UTRN: variants seen among roughly 807,000 people sequenced by gnomAD.
UTRN encodes the protein utrophin.
A neutral mutation model predicts 463.9 loss-of-function variants in UTRN; 283 were observed. That is an observed-to-expected ratio of 0.61 (90% CI 0.55 to 0.67). The LOEUF (loss-of-function observed/expected upper bound fraction) is 0.67, where lower values mean the gene tolerates loss of function less well. Among genes scored for constraint, UTRN ranks in the 30% least tolerant of loss-of-function variants. The probability of loss-of-function intolerance (pLI) is 0.00; values close to 1 mark genes in which losing one functional copy is unlikely to be tolerated. For missense variants in UTRN, 3,922 were observed against 4,084.3 expected (o/e 0.96, Z 1.08); for synonymous variants, 1,442 against 1,431.5 (o/e 1.01, Z -0.17).
At chr6:144,514,154 T>C in intron 36 of UTRN, 117 bp downstream of exon 36, 1 of 1,369,118 alleles carries the variant, frequency 7.3e-7, no homozygotes, top group Non-Finnish European at 1.0e-6. Context: ...TTAGATTCAT[T>C]AACATTTATT....
rs141274945 is a variant in UTRN at position 144,691,959 on chromosome 6, G to A, written c.7653-8128G>A. 1.2e-3 allele frequency among the ~76,000 whole-genome samples: 186 copies of A among 152,114 alleles called. 2 individuals carry two copies. The East Asian group carries it at 0.029, about 24-fold the overall frequency. ...TTATATAGGTAAACTAGTGTCATGG[G>A]GGTTTGTTGCACAGATTATTTCATC... On this transcript the variant is annotated intron_variant, in intron 52 of 74. Transcript: ENST00000367545.
At chr6:144,561,476 C>T (rs1184256139) in intron 50 of UTRN, among the ~76,000 whole-genome samples, 5 of 151,672 alleles carry the variant, frequency 3.3e-5, no homozygotes, top group Admixed American at 1.3e-4. Flanking sequence ...GGAAATGAGA[C>T]AGTATAACTG....
At position 144,485,284 on chromosome 6, in the gene UTRN, A is replaced by G; in HGVS notation, c.3688-101A>G. 5 of 1,502,358 alleles carry G rather than the reference A, an allele frequency of 3.3e-6. No individual in the cohort carries two copies. The South Asian group carries it at 6.4e-5, about 19-fold the overall frequency. The allele number at this position is 1,502,358 out of a possible 1,614,324, so 93.1% of individuals were successfully genotyped here. A position where few individuals can be genotyped will look rare whatever the true frequency, so the allele number is the denominator to read the frequency against. On this transcript the variant is annotated intron_variant, in intron 27 of 74. Transcript: ENST00000367545. ...CAGTTCTGAATTCCTAGGTATACTC[A>G]CATCCAAATGAAATTATTAGCGATT... is the stretch of plus-strand genomic sequence containing the variant.
chr6:144,750,933 G>A lies in UTRN; in HGVS notation c.8209-873G>A, dbSNP rs117741406. On this transcript the variant is annotated intron_variant, in intron 55 of 74. Coordinates refer to ENST00000367545, the MANE Select transcript of UTRN (RefSeq NM_007124.3). ...ATGATTCTAGACCTTGCTCAGAGGT[G>A]GCATTTGTCAATTCTAAGACTCATT... 6.1e-3 allele frequency among the ~76,000 whole-genome samples: 930 copies of A among 152,174 alleles called. 5 individuals carry two copies. The highest frequency in any genetic ancestry group is 9.4e-3 in the Non-Finnish European group (642 of 67,982).
At chr6:144,303,757 T>G (rs1160584912) in intron 2 of UTRN, among the ~76,000 whole-genome samples, 1 of 152,204 alleles carries the variant, frequency 6.6e-6, no homozygotes, top group Non-Finnish European at 1.5e-5. Context: ...AAGGTAATGT[T>G]AATCTCATCT....
At chr6:144,518,902 TG>T (rs67124427) in intron 39 of UTRN, among the ~76,000 whole-genome samples, 6,387 of 152,186 alleles carry the variant, frequency 0.042, 361 homozygotes, top group African/African-American at 0.13. Flanking sequence ...AGAATTACTG[TG>T]GGGGAGCTTT....
chr6:144,682,165 G>C (rs1278351760), intron 52 of UTRN, among the ~76,000 whole-genome samples: 1 of 151,712 alleles, frequency 6.6e-6, no homozygotes, highest in Admixed American at 6.6e-5. Context: ...ACCCTTCCCA[G>C]CCTCTGGTAA....
Position 144,827,667 on chromosome 6 carries a change from AT to A in UTRN, c.9591del (p.Tyr3197Ter). On this transcript the variant is annotated frameshift_variant, in exon 68 of 75. Transcript: ENST00000367545. LOFTEE classifies it high-confidence loss of function. ...HDDTHSRIEQ[Y>X]ATRLAQMERT... ...GACACCCATTCAAGAATAGAACAAT[AT>A]GCCACACGGTAAGAAACTTTGATCA... The A allele has an allele frequency of 6.2e-7, 1 of 1,613,656 alleles. No homozygotes were observed. Among genetic ancestry groups the A allele is most frequent in the Non-Finnish European group, 8.5e-7 (1 of 1,179,716 alleles).
At chr6:144,823,854 C>G (rs976179339) in intron 66 of UTRN, among the ~76,000 whole-genome samples, 1 of 152,084 alleles carries the variant, frequency 6.6e-6, no homozygotes, top group Non-Finnish European at 1.5e-5. Context: ...AAAATAGACA[C>G]CTCTCCCTGG....
chr6:144,746,097 G>T (rs149094209), intron 54 of UTRN, among the ~76,000 whole-genome samples: 6 of 151,468 alleles, frequency 4.0e-5, no homozygotes, highest in East Asian at 2.0e-4. Flanking sequence ...GCCTCCCGGG[G>T]TCAAGCGATT....
rs182788328 is a variant in UTRN, at chr6:144,558,290, G to T, written c.7289+979G>T. On this transcript the variant is annotated intron_variant, in intron 50 of 74. Coordinates refer to ENST00000367545, the MANE Select transcript of UTRN (RefSeq NM_007124.3). Reference sequence around the variant, plus strand: ...GATGGCACAATGTGAGGTTGAATGTGTTGTTAGATATACCTTGGATACTGG... The same window carrying T: ...GATGGCACAATGTGAGGTTGAATGTTTTGTTAGATATACCTTGGATACTGG... Among the ~76,000 whole-genome samples the T allele has an allele frequency of 3.4e-3, 519 of 152,280 alleles. 5 individuals are homozygous for T. The highest frequency in any genetic ancestry group is 0.02 in the Middle Eastern group (6 of 294).
intron 51 of UTRN, among the ~76,000 whole-genome samples, chr6:144,587,651 C>T (rs1214970421): frequency 6.6e-6 from 1 of 152,126 alleles, no homozygotes; most frequent in Non-Finnish European, 1.5e-5. Context: ...ATTTTTTACT[C>T]TCAAACATTT....
intron 2 of UTRN, among the ~76,000 whole-genome samples, chr6:144,337,150 GACACACACACACAGAC>G (rs1338103318): frequency 4.1e-5 from 6 of 147,418 alleles, no homozygotes; most frequent in African/African-American, 1.3e-4. Flanking sequence ...CACACACAGA[GACACACACACACAGAC>G]ACACACACAC....
At position 144,593,810 on chromosome 6, in the gene UTRN, G is replaced by A. The variant is rs146961723; in HGVS notation, c.7479+16522G>A. ...AGTTGCCCTTTTGATTGCCAGCTAT[G>A]TATGCCAGATCTTTTTGACTGTTTC... is the stretch of plus-strand genomic sequence containing the variant. On this transcript the variant is annotated intron_variant, in intron 51 of 74. Transcript: ENST00000367545. Among the ~76,000 whole-genome samples, 498 of 152,214 alleles carry A rather than the reference G, an allele frequency of 3.3e-3. 2 individuals carry two copies. The highest frequency in any genetic ancestry group is 5.5e-3 in the Non-Finnish European group (376 of 67,992).
intron 54 of UTRN, among the ~76,000 whole-genome samples, chr6:144,744,461 T>C (rs1790474823): frequency 6.8e-6 from 1 of 146,604 alleles, no homozygotes; most frequent in Admixed American, 6.8e-5. Flanking sequence ...ATATACATAA[T>C]TTTACTTATG....
intron 2 of UTRN, among the ~76,000 whole-genome samples, chr6:144,386,885 A>G (rs925496424): frequency 3.3e-5 from 5 of 152,086 alleles, no homozygotes; most frequent in African/African-American, 1.2e-4. Flanking sequence ...AAAAAACTCA[A>G]TATAAAAAAA....
chr6:144,443,586 G>A (rs4596495), intron 13 of UTRN, among the ~76,000 whole-genome samples: 61,843 of 151,932 alleles, frequency 0.41, 15,931 homozygotes, highest in African/African-American at 0.72. Context: ...ATCATTATTT[G>A]TAAAATTGTA....
chr6:144,844,495 C>T (rs1422176189), intron 73 of UTRN, among the ~76,000 whole-genome samples: 1 of 152,200 alleles, frequency 6.6e-6, no homozygotes, highest in Non-Finnish European at 1.5e-5. Flanking sequence ...TCTCAAACTC[C>T]TGGCCTCAAG....
chr6:144,679,278 T>C (rs1165367532), intron 52 of UTRN, among the ~76,000 whole-genome samples: 6 of 152,274 alleles, frequency 3.9e-5, no homozygotes, highest in South Asian at 4.1e-4. Flanking sequence ...ATTAGTGTTA[T>C]TGGGATCAAG....
Sources: allele counts gnomAD v4.1 joint callset (sites outside exome capture counted in the v4.1 genomes callset), GRCh38; gene constraint gnomAD v4.1.1; transcripts MANE v1.5; gene names NCBI Gene and HGNC (gene_info 2026-07-23, HGNC 2026-07-21).